Variants in AGAP1 observed in about 807,000 individuals in gnomAD.
AGAP1 encodes ArfGAP with GTPase domain, ankyrin repeat and PH domain 1.
A neutral mutation model predicts 105.3 loss-of-function variants in AGAP1; 29 were observed. The observed-to-expected ratio is 0.28, with a 90% CI of 0.21 to 0.38. The LOEUF is 0.38. Among genes scored for constraint, AGAP1 ranks in the 10% least tolerant of loss-of-function variants. AGAP1 has a pLI of 1.00. For missense variants in AGAP1, 998 were observed against 1,165.1 expected (o/e 0.86, Z 2.09); for synonymous variants, 509 against 485.9 (o/e 1.05, Z -0.63).
At position 235,879,973 on chromosome 2, in the gene AGAP1, GGA is replaced by G. The variant is rs1469825498; in HGVS notation, c.1051-3371_1051-3370del. ...CAGAAATAAAAAAATTAGCCGAACA[GGA>G]TGGCACACGCCTGTAGTCCCAAGCT... On this transcript the variant is annotated intron_variant, in intron 9 of 17. Transcript: ENST00000304032. The surrounding 1 kb of genome is among the most constrained non-coding windows in gnomAD (Gnocchi z 5.0). 2.0e-5 allele frequency among the ~76,000 whole-genome samples: 3 copies of G among 151,858 alleles called. No individual in the cohort carries two copies. The highest frequency in any genetic ancestry group is 4.2e-4 in the South Asian group (2 of 4,806).
rs1041284725 is a variant in AGAP1, at chr2:235,734,213, A to G, written c.311-6750A>G. Among the ~76,000 whole-genome samples the G allele has an allele frequency of 2.6e-5, 4 of 152,252 alleles. No individual in the cohort carries two copies. The highest frequency in any genetic ancestry group is 9.6e-5 in the African/African-American group (4 of 41,464). ...TCCCGATGTCATCATGGCACTCAGT[A>G]ACAAGGAATATTGTAGATGAATTTT... On this transcript the variant is annotated intron_variant, in intron 3 of 17. Coordinates refer to ENST00000304032, the MANE Select transcript of AGAP1 (RefSeq NM_001037131.3). The surrounding 1 kb of genome is among the most constrained non-coding windows in gnomAD (Gnocchi z 5.3).
rs1951549160 is a variant in AGAP1, at chr2:235,724,424, A to G, written c.310+6780A>G. Reference sequence around the variant, plus strand: ...GAGACGGAACACACTGGTCACTGGGAGATTAGCCTCCCTCATTCATTTTCC... The same window carrying G: ...GAGACGGAACACACTGGTCACTGGGGGATTAGCCTCCCTCATTCATTTTCC... On this transcript the variant is annotated intron_variant, in intron 3 of 17. Transcript: ENST00000304032. This position sits in a 1 kb window ranked among gnomAD's most constrained non-coding sequence, Gnocchi z 4.9. Among the ~76,000 whole-genome samples the G allele has an allele frequency of 1.3e-5, 2 of 152,164 alleles. No homozygotes were observed. Among genetic ancestry groups the G allele is most frequent in the African/African-American group, 4.8e-5 (2 of 41,442 alleles).
chr2:236,018,577 A>G (rs888714372), intron 13 of AGAP1, among the ~76,000 whole-genome samples: 2 of 152,222 alleles, frequency 1.3e-5, no homozygotes, highest in Non-Finnish European at 2.9e-5. Flanking sequence ...CTGTTTTTGC[A>G]GAAGAAAAGT....
intron 1 of AGAP1, among the ~76,000 whole-genome samples, chr2:235,597,607 C>T (rs116707244): frequency 0.022 from 3,290 of 152,268 alleles, 116 homozygotes; most frequent in African/African-American, 0.075. Context: ...TAGGGTTACC[C>T]AAAAATGTGC....
chr2:235,544,124 G>A (rs927302356), intron 1 of AGAP1, among the ~76,000 whole-genome samples: 2 of 152,234 alleles, frequency 1.3e-5, no homozygotes. Flanking sequence ...CGTTGAATAT[G>A]CTCAAATGCT....
intron 6 of AGAP1, among the ~76,000 whole-genome samples, chr2:235,791,111 T>TA (rs1956949503): frequency 6.6e-6 from 1 of 152,240 alleles, no homozygotes; most frequent in South Asian, 2.1e-4. Flanking sequence ...GGGCTTGAAT[T>TA]ATCAACAATA....
At chr2:235,604,021 A>G (rs544195985) in intron 1 of AGAP1, among the ~76,000 whole-genome samples, 4 of 152,152 alleles carry the variant, frequency 2.6e-5, no homozygotes, top group Non-Finnish European at 5.9e-5. Context: ...ACTGTTGCAT[A>G]GCAGGTGGAT....
Position 235,960,527 on chromosome 2 carries a change from G to A in AGAP1, c.1484-7935G>A, listed in dbSNP as rs541764667. Among the ~76,000 whole-genome samples, 1 of 152,206 alleles carries A rather than the reference G, an allele frequency of 6.6e-6. No homozygotes were observed. The highest frequency in any genetic ancestry group is 6.5e-5 in the Admixed American group (1 of 15,292). ...CTCGGTCCAGTGCAGGTGGGCGTGC[G>A]GACTCTTCCGTACCTCACTTCTCCC... On this transcript the variant is annotated intron_variant, in intron 12 of 17. Coordinates refer to ENST00000304032, the MANE Select transcript of AGAP1 (RefSeq NM_001037131.3). This position sits in a 1 kb window ranked among gnomAD's most constrained non-coding sequence, Gnocchi z 4.9.
chr2:235,947,264 C>T (rs1303655553), intron 12 of AGAP1, among the ~76,000 whole-genome samples: 3 of 152,106 alleles, frequency 2.0e-5, no homozygotes, highest in East Asian at 3.9e-4. Flanking sequence ...TCCATTGTAT[C>T]ACTCTTACGC....
intron 12 of AGAP1, among the ~76,000 whole-genome samples, chr2:235,949,293 G>A (rs759885541): frequency 2.6e-5 from 4 of 152,074 alleles, no homozygotes; most frequent in Non-Finnish European, 5.9e-5. Flanking sequence ...AGAACATTTC[G>A]GATTTTTGGA....
rs1946106732 is a variant in AGAP1, at chr2:235,610,971, T to G, written c.164-98208T>G. On this transcript the variant is annotated intron_variant, in intron 1 of 17. Transcript: ENST00000304032. This position sits in a 1 kb window ranked among gnomAD's most constrained non-coding sequence, Gnocchi z 4.9. ...AGTAGGATGGTTGACTGACGTTAGC[T>G]TGGCTTTCTTCCTAAGGCACCGTCT... Among the ~76,000 whole-genome samples, 1 of 152,094 alleles carries G rather than the reference T, an allele frequency of 6.6e-6. No homozygotes were observed. Among genetic ancestry groups the G allele is most frequent in the South Asian group, 2.1e-4 (1 of 4,822 alleles).
intron 1 of AGAP1, among the ~76,000 whole-genome samples, chr2:235,595,739 T>A (rs1431892983): frequency 6.6e-6 from 1 of 152,200 alleles, no homozygotes; most frequent in Non-Finnish European, 1.5e-5. Flanking sequence ...TTATAGCCGA[T>A]GATTGATGTG....
At position 235,922,096 on chromosome 2, in the gene AGAP1, G is replaced by A. The variant is rs191989250; in HGVS notation, c.1325-8669G>A. ...GGGAACCCGGTTTTCCCACACATGC[G>A]CACAACGGGCGTGGTGCAGCTGTAG... On this transcript the variant is annotated intron_variant, in intron 11 of 17. Coordinates refer to ENST00000304032, the MANE Select transcript of AGAP1 (RefSeq NM_001037131.3). Among the ~76,000 whole-genome samples the A allele has an allele frequency of 1.2e-4, 19 of 152,304 alleles. No homozygotes were observed. The East Asian group carries it at 1.9e-3, about 16-fold the overall frequency.
rs1196415006 is a variant in AGAP1, at chr2:236,076,179, G to A, written c.2114+26898G>A. Among the ~76,000 whole-genome samples the A allele has an allele frequency of 2.0e-5, 3 of 152,352 alleles. No individual in the cohort carries two copies. Among genetic ancestry groups the A allele is most frequent in the East Asian group, 3.9e-4 (2 of 5,182 alleles). ...TTTTAAAGTCTTGAGGCGGGGCGCC[G>A]TGGCTCATGCCTGTAATCCCAGCAC... On this transcript the variant is annotated intron_variant, in intron 16 of 17. Transcript: ENST00000304032. The surrounding 1 kb of genome is among the most constrained non-coding windows in gnomAD (Gnocchi z 4.4).
intron 1 of AGAP1, among the ~76,000 whole-genome samples, chr2:235,563,698 T>C (rs900374760): frequency 1.3e-5 from 2 of 152,180 alleles, no homozygotes; most frequent in African/African-American, 2.4e-5. Context: ...TTCTCTTGAT[T>C]CTAATGAACT....
rs554246764 is a variant in AGAP1, at chr2:235,692,086, A to AC, written c.164-17089dup. Reference sequence around the variant, plus strand: ...AACCAAGTAAACAAAATAAATTCAGACCCCAAGTGCGCATATTGAGTTTGA... The same window carrying AC: ...AACCAAGTAAACAAAATAAATTCAGACCCCCAAGTGCGCATATTGAGTTTGA... On this transcript the variant is annotated intron_variant, in intron 1 of 17. Coordinates refer to ENST00000304032, the MANE Select transcript of AGAP1 (RefSeq NM_001037131.3). The surrounding 1 kb of genome is among the most constrained non-coding windows in gnomAD (Gnocchi z 5.8). Among the ~76,000 whole-genome samples, 174 of 152,096 alleles carry AC rather than the reference A, an allele frequency of 1.1e-3. 1 individual carries two copies. The South Asian group carries it at 0.013, about 11-fold the overall frequency.
chr2:235,543,108 C>CCA (rs1425668558), intron 1 of AGAP1, among the ~76,000 whole-genome samples: 1 of 137,882 alleles, frequency 7.3e-6, no homozygotes, highest in Non-Finnish European at 1.6e-5. Flanking sequence ...CCCCCCCCCC[C>CCA]GCCCCCTGCC....
intron 3 of AGAP1, 95 bp downstream of exon 3, chr2:235,717,739 G>A: frequency 9.6e-7 from 1 of 1,047,072 alleles, no homozygotes; most frequent in South Asian, 1.5e-5. Flanking sequence ...TGTATCACAG[G>A]TCAAGAAAGC....
At chr2:235,524,478 TG>T in intron 1 of AGAP1, 1 of 319,664 alleles carries the variant, frequency 3.1e-6, no homozygotes, top group Non-Finnish European at 6.5e-6. Flanking sequence ...GTGGATGCGA[TG>T]GGCAGTTGCT....
Sources: allele counts gnomAD v4.1 joint callset (sites outside exome capture counted in the v4.1 genomes callset), GRCh38; gene constraint gnomAD v4.1.1; non-coding constraint Gnocchi (gnomAD v3.1); transcripts MANE v1.5; gene names NCBI Gene and HGNC (gene_info 2026-07-23, HGNC 2026-07-21).